Variants in SGCZ observed in about 807,000 individuals in gnomAD.
The protein encoded by SGCZ is zeta-sarcoglycan.
A neutral mutation model predicts 41.3 loss-of-function variants in SGCZ; 40 were observed. The ratio of observed to expected loss-of-function variants is 0.97; its 90% CI spans 0.75 to 1.26. The LOEUF (loss-of-function observed/expected upper bound fraction) is 1.26. SGCZ is among the 50% of genes most tolerant of loss of function. The pLI is 0.00. For missense variants in SGCZ, 552 were observed against 369.8 expected (o/e 1.49, Z -4.04); for synonymous variants, 206 against 137.5 (o/e 1.50, Z -3.49).
chr8:14,231,080 A>G (rs2117148938), intron 4 of SGCZ, among the ~76,000 whole-genome samples: 1 of 151,436 alleles, frequency 6.6e-6, no homozygotes, highest in Admixed American at 6.6e-5. Flanking sequence ...ATGTGTATGG[A>G]CTGGGAAATC....
chr8:15,138,675 A>G (rs1808208040), intron 1 of SGCZ, among the ~76,000 whole-genome samples: 1 of 152,202 alleles, frequency 6.6e-6, no homozygotes, highest in Non-Finnish European at 1.5e-5. Context: ...GCCTGCCACC[A>G]TGATTGTAAG....
At chr8:14,698,187 T>C (rs955831570) in intron 1 of SGCZ, among the ~76,000 whole-genome samples, 1 of 152,114 alleles carries the variant, frequency 6.6e-6, no homozygotes, top group African/African-American at 2.4e-5. Flanking sequence ...TATTATACTG[T>C]TTGGTTATTT....
intron 1 of SGCZ, among the ~76,000 whole-genome samples, chr8:14,880,858 G>A (rs940429528): frequency 2.6e-5 from 4 of 152,044 alleles, no homozygotes; most frequent in Non-Finnish European, 4.4e-5. Context: ...TAATGTAAAT[G>A]ACGAGTTAAT....
chr8:14,876,920 T>A (rs912612928), intron 1 of SGCZ, among the ~76,000 whole-genome samples: 3 of 151,362 alleles, frequency 2.0e-5, no homozygotes, highest in Non-Finnish European at 4.4e-5. Context: ...ATTGGAGAGG[T>A]TCCACTGATG....
intron 1 of SGCZ, among the ~76,000 whole-genome samples, chr8:14,882,254 A>G (rs1371252117): frequency 6.6e-6 from 1 of 152,206 alleles, no homozygotes; most frequent in Non-Finnish European, 1.5e-5. Context: ...AGAAGCCGGA[A>G]CAGAAGTCAT....
At chr8:14,401,702 G>A (rs555965652) in intron 2 of SGCZ, among the ~76,000 whole-genome samples, 4 of 151,584 alleles carry the variant, frequency 2.6e-5, no homozygotes, top group Admixed American at 6.6e-5. Context: ...GGACATTTGG[G>A]TTGGTTCCAA....
intron 2 of SGCZ, among the ~76,000 whole-genome samples, chr8:14,456,102 G>A (rs1344275658): frequency 6.6e-6 from 1 of 152,074 alleles, no homozygotes; most frequent in Non-Finnish European, 1.5e-5. Context: ...AAAACCTACT[G>A]AATTGTATAG....
chr8:15,237,905 G>A lies in SGCZ; in HGVS notation c.-282C>T, dbSNP rs1802193448. 5 of 254,114 alleles carry A rather than the reference G, an allele frequency of 2.0e-5. No individual in the cohort carries two copies. The highest frequency in any genetic ancestry group is 1.4e-3 in the Middle Eastern group (1 of 740). 15.7% of individuals were successfully genotyped at this position (254,114 alleles called of 1,614,324 possible). A position where few individuals can be genotyped will look rare whatever the true frequency, so the allele number is the denominator to read the frequency against. On this transcript the variant is annotated 5_prime_UTR_variant, in exon 1 of 8. Coordinates refer to ENST00000382080, the MANE Select transcript of SGCZ (RefSeq NM_139167.4). ...GAGTCGATTGAAACAGGGGCCAAAA[G>A]AAAAAAGGAAAAAAAAATCCACTCT...
At chr8:15,074,864 C>T (rs547915769) in intron 1 of SGCZ, among the ~76,000 whole-genome samples, 5 of 152,272 alleles carry the variant, frequency 3.3e-5, no homozygotes, top group Admixed American at 3.3e-4. Context: ...AGTACACTGA[C>T]TCTACTGTCT....
chr8:14,464,929 T>G (rs1181654235), intron 2 of SGCZ, among the ~76,000 whole-genome samples: 1 of 151,674 alleles, frequency 6.6e-6, no homozygotes, highest in Non-Finnish European at 1.5e-5. Flanking sequence ...AATGCCATTG[T>G]GGTTGGATAA....
At chr8:14,767,302 T>C (rs1170843332) in intron 1 of SGCZ, among the ~76,000 whole-genome samples, 1 of 152,142 alleles carries the variant, frequency 6.6e-6, no homozygotes, top group Non-Finnish European at 1.5e-5. Flanking sequence ...CAGGAGAGTG[T>C]TTTTCTTTAT....
At chr8:14,274,565 C>G (rs542990024) in intron 3 of SGCZ, among the ~76,000 whole-genome samples, 4 of 152,192 alleles carry the variant, frequency 2.6e-5, no homozygotes, top group Admixed American at 6.5e-5. Flanking sequence ...ACAGTCTTCA[C>G]TTAGTTTCCT....
At chr8:14,106,742 GT>G (rs1489595915) in intron 6 of SGCZ, among the ~76,000 whole-genome samples, 1 of 152,150 alleles carries the variant, frequency 6.6e-6, no homozygotes, top group Admixed American at 6.5e-5. Context: ...CACCAACTGT[GT>G]CTCTCAGGTT....
At chr8:14,254,424 T>C (rs947026860) in intron 3 of SGCZ, among the ~76,000 whole-genome samples, 8 of 152,208 alleles carry the variant, frequency 5.3e-5, no homozygotes, top group Non-Finnish European at 1.0e-4. Flanking sequence ...CCTCACCTAA[T>C]GCTACTGGGG....
chr8:14,454,108 A>G (rs773640839), intron 2 of SGCZ, among the ~76,000 whole-genome samples: 5 of 152,162 alleles, frequency 3.3e-5, no homozygotes, highest in Non-Finnish European at 7.4e-5. Context: ...GGGAATGGCC[A>G]TTTCCTTAAA....
At chr8:14,644,257 CT>C (rs1487227880) in intron 1 of SGCZ, among the ~76,000 whole-genome samples, 6 of 151,678 alleles carry the variant, frequency 4.0e-5, no homozygotes, top group African/African-American at 1.2e-4. Context: ...GTAGATTGCC[CT>C]CCATAAAGTG....
intron 2 of SGCZ, among the ~76,000 whole-genome samples, chr8:14,404,957 C>G (rs73664352): frequency 6.6e-6 from 1 of 152,080 alleles, no homozygotes; most frequent in Non-Finnish European, 1.5e-5. Context: ...TTTAAATCCT[C>G]CGGGTTGCAG....
chr8:15,169,104 C>A (rs1221748018), intron 1 of SGCZ, among the ~76,000 whole-genome samples: 1 of 152,212 alleles, frequency 6.6e-6, no homozygotes, highest in East Asian at 1.9e-4. Context: ...TAGCCTCTAA[C>A]AATGGCCCCT....
chr8:14,921,673 C>T (rs1238993917), intron 1 of SGCZ, among the ~76,000 whole-genome samples: 2 of 152,012 alleles, frequency 1.3e-5, no homozygotes, highest in African/African-American at 2.4e-5. Flanking sequence ...TGCACAAGTC[C>T]CTGACATCAT....
Sources: gnomAD v4.1 joint callset for allele counts (sites outside exome capture counted in the v4.1 genomes callset) on GRCh38, gnomAD v4.1.1 for gene constraint, MANE v1.5 for transcripts, NCBI Gene and HGNC (gene_info 2026-07-23, HGNC 2026-07-21) for gene names.